Variants in CNTNAP2 observed in about 807,000 individuals in gnomAD.
CNTNAP2 encodes contactin associated protein 2.
CNTNAP2 carries 98 observed loss-of-function variants against 155.2 expected under a neutral mutation model. The ratio of observed to expected loss-of-function variants is 0.63; its 90% CI spans 0.54 to 0.75. CNTNAP2 has a LOEUF of 0.75. CNTNAP2 is among the 30% of genes least tolerant of loss of function. The pLI, the probability that CNTNAP2 is intolerant of heterozygous loss-of-function variation, is 0.00. For missense variants in CNTNAP2, 1,727 were observed against 1,688.1 expected (o/e 1.02, Z -0.40); for synonymous variants, 651 against 631.2 (o/e 1.03, Z -0.47).
chr7:146,585,751 G>GAAA (rs1491504474), intron 1 of CNTNAP2, among the ~76,000 whole-genome samples: 3,066 of 146,092 alleles, frequency 0.021, 62 homozygotes, highest in African/African-American at 0.032. Flanking sequence ...AAAGAAAGAA[G>GAAA]GAAAGAAAGA....
At chr7:147,776,340 T>A (rs995797110) in intron 13 of CNTNAP2, among the ~76,000 whole-genome samples, 4 of 146,920 alleles carry the variant, frequency 2.7e-5, no homozygotes, top group Non-Finnish European at 3.0e-5. Context: ...CTAAAATGAA[T>A]GTAAAAGGAA....
At chr7:147,458,141 CAT>C (rs398067380) in intron 10 of CNTNAP2, among the ~76,000 whole-genome samples, 4 of 151,420 alleles carry the variant, frequency 2.6e-5, no homozygotes, top group African/African-American at 7.3e-5. Flanking sequence ...AAAAAACAAA[CAT>C]AAGCATTTCA....
At chr7:146,733,652 C>T (rs1212046584) in intron 1 of CNTNAP2, among the ~76,000 whole-genome samples, 2 of 151,874 alleles carry the variant, frequency 1.3e-5, no homozygotes, top group Non-Finnish European at 2.9e-5. Flanking sequence ...CTTGCTGGCA[C>T]TTAAGATTGA....
chr7:148,386,665 G>A (rs576056874), intron 22 of CNTNAP2, among the ~76,000 whole-genome samples: 429 of 152,276 alleles, frequency 2.8e-3, no homozygotes, highest in Non-Finnish European at 5.1e-3. Context: ...ATGAGGGAAG[G>A]TTACTTAACA....
At chr7:148,370,574 C>T (rs556659372) in intron 21 of CNTNAP2, among the ~76,000 whole-genome samples, 3 of 152,270 alleles carry the variant, frequency 2.0e-5, no homozygotes, top group African/African-American at 4.8e-5. Flanking sequence ...TCCCCTCTTC[C>T]GCACAGTGCC....
In CNTNAP2 at chr7:146,116,811, C is replaced by A; in HGVS notation, c.-66C>A. The A allele has an allele frequency of 7.6e-7, 1 of 1,315,070 alleles. No individual in the cohort carries two copies. Among genetic ancestry groups the A allele is most frequent in the Non-Finnish European group, 1.1e-6 (1 of 949,188 alleles). 81.5% of individuals were successfully genotyped at this position (1,315,070 alleles called of 1,614,324 possible). A position where few individuals can be genotyped will look rare whatever the true frequency, so the allele number is the denominator to read the frequency against. On this transcript the variant is annotated 5_prime_UTR_variant, in exon 1 of 24. Coordinates refer to ENST00000361727, the MANE Select transcript of CNTNAP2 (RefSeq NM_014141.6). The surrounding 1 kb of genome is among the most constrained non-coding windows in gnomAD (Gnocchi z 5.5). ...GGACAGCCCATCTCCCTTCAAGAAC[C>A]CTACGGAGAGTCGGACTGCATCTCC...
intron 15 of CNTNAP2, among the ~76,000 whole-genome samples, chr7:148,067,319 C>T (rs1266518671): frequency 1.3e-5 from 2 of 152,154 alleles, no homozygotes; most frequent in Non-Finnish European, 2.9e-5. Context: ...CTCCCCCTTT[C>T]CCTAGGGATG....
intron 13 of CNTNAP2, among the ~76,000 whole-genome samples, chr7:147,818,720 T>C (rs181931135): frequency 6.6e-6 from 1 of 152,338 alleles, no homozygotes; most frequent in Admixed American, 6.5e-5. Flanking sequence ...TGTGCACTTT[T>C]CCCAGTGGTT....
intron 3 of CNTNAP2, among the ~76,000 whole-genome samples, chr7:147,035,838 C>T (rs1340113657): frequency 6.7e-6 from 1 of 149,084 alleles, no homozygotes; most frequent in Non-Finnish European, 1.5e-5. Context: ...ATTTGTGTTA[C>T]ACTTCAAACC....
intron 1 of CNTNAP2, among the ~76,000 whole-genome samples, chr7:146,216,487 T>C (rs992790092): frequency 6.6e-6 from 1 of 152,160 alleles, no homozygotes; most frequent in East Asian, 1.9e-4. Flanking sequence ...ACCCTGTTCC[T>C]TTTTCTTTGC....
chr7:147,499,397 C>T lies in CNTNAP2; in HGVS notation c.1777+13356C>T, dbSNP rs567490376. 1.8e-4 allele frequency among the ~76,000 whole-genome samples: 28 copies of T among 151,988 alleles called. 1 individual carries two copies. Among genetic ancestry groups the T allele is most frequent in the African/African-American group, 4.8e-4 (20 of 41,462 alleles). On this transcript the variant is annotated intron_variant, in intron 11 of 23. Transcript: ENST00000361727. ...TAAAAAAAATAGCTGGGCGTGGTGGCAGGCGCCTGTAGTCCCAGCTACTCG... is the reference window on the plus strand; with the variant it reads ...TAAAAAAAATAGCTGGGCGTGGTGGTAGGCGCCTGTAGTCCCAGCTACTCG...
intron 1 of CNTNAP2, among the ~76,000 whole-genome samples, chr7:146,750,408 G>T (rs765174821): frequency 2.0e-5 from 3 of 152,062 alleles, no homozygotes; most frequent in Non-Finnish European, 4.4e-5. Context: ...TTAACTACAT[G>T]AGTGTGCCAT....
intron 14 of CNTNAP2, among the ~76,000 whole-genome samples, chr7:147,940,584 G>C (rs1413521613): frequency 6.6e-6 from 1 of 151,890 alleles, no homozygotes; most frequent in Non-Finnish European, 1.5e-5. Context: ...CCCTGGCTTT[G>C]AGTGCAGTGG....
chr7:148,204,261 A>G (rs915367000), intron 18 of CNTNAP2, among the ~76,000 whole-genome samples: 10 of 152,240 alleles, frequency 6.6e-5, no homozygotes, highest in African/African-American at 2.2e-4. Context: ...TTGATTGAAG[A>G]ACATTTCAGT....
rs143148004 is a variant in CNTNAP2, at chr7:146,476,058, G to T, written c.98-298213G>T. The stretch of plus-strand genomic sequence containing the variant: ...ACAGGTGGTTGTTGAAACCGAAAAC[G>T]GAATCAGCTCTCACTGAAATGTGTT... On this transcript the variant is annotated intron_variant, in intron 1 of 23. Coordinates refer to ENST00000361727, the MANE Select transcript of CNTNAP2 (RefSeq NM_014141.6). Among the ~76,000 whole-genome samples, 162 of 152,194 alleles carry T rather than the reference G, an allele frequency of 1.1e-3. 1 individual carries two copies. The highest frequency in any genetic ancestry group is 3.9e-3 in the African/African-American group (161 of 41,540).
At chr7:147,161,252 A>G (rs868856550) in intron 8 of CNTNAP2, among the ~76,000 whole-genome samples, 14 of 152,172 alleles carry the variant, frequency 9.2e-5, no homozygotes, top group African/African-American at 3.1e-4. Flanking sequence ...TACCAGTTGC[A>G]TAGCGCAACT....
At chr7:148,102,745 A>G (rs150906870) in intron 15 of CNTNAP2, among the ~76,000 whole-genome samples, 2 of 152,318 alleles carry the variant, frequency 1.3e-5, no homozygotes, top group African/African-American at 4.8e-5. Flanking sequence ...GCCCAGCCAG[A>G]CCCTCAGTGC....
intron 23 of CNTNAP2, among the ~76,000 whole-genome samples, chr7:148,413,459 T>G (rs1258863241): frequency 1.5e-5 from 2 of 133,208 alleles, no homozygotes; most frequent in Non-Finnish European, 3.2e-5. Context: ...GCTCCATAGT[T>G]TTCTTGTAAC....
intron 3 of CNTNAP2, among the ~76,000 whole-genome samples, chr7:146,841,408 A>G (rs1047790045): frequency 6.6e-6 from 1 of 152,092 alleles, no homozygotes; most frequent in Admixed American, 6.6e-5. Context: ...CAAGTGGCCA[A>G]CCAACCAAAC....
Sources: allele counts gnomAD v4.1 joint callset (sites outside exome capture counted in the v4.1 genomes callset), GRCh38; gene constraint gnomAD v4.1.1; non-coding constraint Gnocchi (gnomAD v3.1); transcripts MANE v1.5; gene names NCBI Gene and HGNC (gene_info 2026-07-23, HGNC 2026-07-21).